PTPRD: variants seen among roughly 807,000 people sequenced by gnomAD.
PTPRD encodes receptor-type tyrosine-protein phosphatase delta.
In PTPRD, 34 loss-of-function variants were observed where a neutral mutation model predicts 214.5. The observed-to-expected ratio is 0.16, with a 90% CI of 0.12 to 0.21. The LOEUF is 0.21. Among genes scored for constraint, PTPRD ranks in the 10% least tolerant of loss-of-function variants. The pLI is 1.00. For missense variants in PTPRD, 2,545 were observed against 2,398.7 expected (o/e 1.06, Z -1.27); for synonymous variants, 1,128 against 845.7 (o/e 1.33, Z -5.79).
chr9:10,162,748 T>A (rs1309207421), intron 3 of PTPRD, among the ~76,000 whole-genome samples: 2 of 147,460 alleles, frequency 1.4e-5, no homozygotes, highest in Non-Finnish European at 3.0e-5. Flanking sequence ...TATATACATA[T>A]ACATATATAT....
At chr9:8,772,727 A>C (rs1450372234) in intron 11 of PTPRD, among the ~76,000 whole-genome samples, 1 of 151,492 alleles carries the variant, frequency 6.6e-6, no homozygotes, top group African/African-American at 2.4e-5. Flanking sequence ...ATTCTGAGTC[A>C]GTTTCAATAG....
In PTPRD at chr9:10,293,655, C is replaced by T. The variant is rs143019665; in HGVS notation, c.-545+47308G>A. On this transcript the variant is annotated intron_variant, in intron 3 of 45. Coordinates refer to ENST00000381196, the MANE Select transcript of PTPRD (RefSeq NM_002839.4). ...TAACTTTATGAATCCCCTTTCTCCCCATGATGGCAAAAGCTTAAATTATAC... is the reference window on the plus strand; with the variant it reads ...TAACTTTATGAATCCCCTTTCTCCCTATGATGGCAAAAGCTTAAATTATAC... 1.4e-3 allele frequency among the ~76,000 whole-genome samples: 220 copies of T among 152,026 alleles called. 3 individuals carry two copies. Among genetic ancestry groups the T allele is most frequent in the African/African-American group, 4.9e-3 (205 of 41,534 alleles).
At chr9:9,521,476 T>C (rs2096970704) in intron 8 of PTPRD, among the ~76,000 whole-genome samples, 1 of 152,158 alleles carries the variant, frequency 6.6e-6, no homozygotes, top group East Asian at 1.9e-4. Context: ...AGGTATATCA[T>C]CTGCATCTTG....
intron 2 of PTPRD, among the ~76,000 whole-genome samples, chr9:10,527,464 A>G (rs1335210296): frequency 6.6e-6 from 1 of 152,210 alleles, no homozygotes; most frequent in South Asian, 2.1e-4. Context: ...AGCTAATTCC[A>G]AATGCATTAG....
At chr9:10,524,720 C>T (rs961209937) in intron 2 of PTPRD, among the ~76,000 whole-genome samples, 5 of 151,980 alleles carry the variant, frequency 3.3e-5, no homozygotes, top group East Asian at 1.9e-4. Flanking sequence ...CCCCTAGTAA[C>T]GTATAATCTC....
chr9:9,980,769 G>A (rs564457204), intron 4 of PTPRD, among the ~76,000 whole-genome samples: 19 of 149,666 alleles, frequency 1.3e-4, no homozygotes, highest in African/African-American at 4.4e-4. Flanking sequence ...AAATCAACAA[G>A]GTCGCAAAAA....
chr9:9,837,898 C>G (rs1000252092), intron 5 of PTPRD, among the ~76,000 whole-genome samples: 2 of 152,142 alleles, frequency 1.3e-5, no homozygotes, highest in Non-Finnish European at 2.9e-5. Context: ...AGGTATATCT[C>G]CTAATGTTAT....
At chr9:8,481,139 C>CAAAAAAAA (rs34451513) in intron 30 of PTPRD, among the ~76,000 whole-genome samples, 2 of 39,434 alleles carry the variant, frequency 5.1e-5, no homozygotes, top group African/African-American at 2.1e-4. Flanking sequence ...GACTCCGTCT[C>CAAAAAAAA]AAAAAAAAAA....
chr9:9,608,079 G>A (rs1359543096), intron 7 of PTPRD, among the ~76,000 whole-genome samples: 2 of 152,100 alleles, frequency 1.3e-5, no homozygotes, highest in African/African-American at 2.4e-5. Context: ...TAAGATCACT[G>A]GCTCCAAAAT....
chr9:9,250,542 G>C (rs778726375), intron 9 of PTPRD, among the ~76,000 whole-genome samples: 2 of 151,930 alleles, frequency 1.3e-5, no homozygotes, highest in South Asian at 2.1e-4. Flanking sequence ...CATATTATCA[G>C]GTGTCTCTTC....
intron 9 of PTPRD, among the ~76,000 whole-genome samples, chr9:9,209,322 G>A (rs1185076068): frequency 1.3e-5 from 2 of 152,088 alleles, no homozygotes; most frequent in Non-Finnish European, 2.9e-5. Context: ...AAATTGCAAA[G>A]AATAAGAAAG....
chr9:10,179,271 G>C (rs1159428767), intron 3 of PTPRD, among the ~76,000 whole-genome samples: 1 of 151,954 alleles, frequency 6.6e-6, no homozygotes. Flanking sequence ...TTAAATTTGA[G>C]CTGAAAGCAG....
At chr9:9,723,213 A>C (rs1057428096) in intron 7 of PTPRD, among the ~76,000 whole-genome samples, 1 of 152,006 alleles carries the variant, frequency 6.6e-6, no homozygotes, top group Non-Finnish European at 1.5e-5. Flanking sequence ...TAGGGATCTG[A>C]CTTCATTCTT....
intron 12 of PTPRD, among the ~76,000 whole-genome samples, chr9:8,722,109 C>T (rs897314528): frequency 6.8e-6 from 1 of 146,078 alleles, no homozygotes; most frequent in South Asian, 2.2e-4. Flanking sequence ...TTTCTCCATA[C>T]ATTAAGTATT....
chr9:10,491,691 T>A (rs755661818), intron 2 of PTPRD, among the ~76,000 whole-genome samples: 4 of 151,934 alleles, frequency 2.6e-5, no homozygotes, highest in Non-Finnish European at 5.9e-5. Context: ...TAAGACGATA[T>A]GCCACAATTT....
chr9:9,124,643 C>T (rs534214490), intron 10 of PTPRD, among the ~76,000 whole-genome samples: 5 of 152,236 alleles, frequency 3.3e-5, no homozygotes, highest in Admixed American at 1.3e-4. Context: ...ATTTGATTCC[C>T]GGTGAGTTCA....
At chr9:8,601,667 A>AC (rs2154277626) in intron 14 of PTPRD, among the ~76,000 whole-genome samples, 1 of 152,238 alleles carries the variant, frequency 6.6e-6, no homozygotes, top group East Asian at 1.9e-4. Flanking sequence ...GTCTCCAAGA[A>AC]CCACTGTGCT....
At chr9:8,504,014 G>A (rs2097482875) in intron 23 of PTPRD, among the ~76,000 whole-genome samples, 1 of 152,116 alleles carries the variant, frequency 6.6e-6, no homozygotes, top group African/African-American at 2.4e-5. Flanking sequence ...TTTCACCCAT[G>A]GACGTCTACT....
At chr9:10,089,158 G>A (rs2098398843) in intron 3 of PTPRD, among the ~76,000 whole-genome samples, 7 of 150,948 alleles carry the variant, frequency 4.6e-5, no homozygotes, top group African/African-American at 1.7e-4. Context: ...AGTGAGCTAT[G>A]ATAGTGCCAA....
Sources: gnomAD v4.1 joint callset for allele counts (sites outside exome capture counted in the v4.1 genomes callset) on GRCh38, gnomAD v4.1.1 for gene constraint, MANE v1.5 for transcripts, NCBI Gene and HGNC (gene_info 2026-07-23, HGNC 2026-07-21) for gene names.